MTHFD1L: variants seen among roughly 807,000 people sequenced by gnomAD.
The protein encoded by MTHFD1L is monofunctional C1-tetrahydrofolate synthase, mitochondrial.
Under a neutral mutation model 119.5 loss-of-function variants are expected in MTHFD1L, and 81 were observed. That is an observed-to-expected ratio of 0.68 (90% CI 0.57 to 0.82). MTHFD1L has a LOEUF of 0.82. Among genes scored for constraint, MTHFD1L ranks in the 40% least tolerant of loss-of-function variants. The pLI is 0.00. For missense variants in MTHFD1L, 1,125 were observed against 1,253.4 expected (o/e 0.90, Z 1.55); for synonymous variants, 430 against 475.2 (o/e 0.90, Z 1.24).
At chr6:150,873,568 GGGCC>G (rs1234759112) in intron 1 of MTHFD1L, among the ~76,000 whole-genome samples, 3 of 152,080 alleles carry the variant, frequency 2.0e-5, no homozygotes, top group Non-Finnish European at 4.4e-5. Context: ...TACCAATCCT[GGGCC>G]GTATTTCCAC....
chr6:151,008,390 G>A (rs1249028740), intron 20 of MTHFD1L, among the ~76,000 whole-genome samples: 1 of 152,202 alleles, frequency 6.6e-6, no homozygotes, highest in East Asian at 1.9e-4. Flanking sequence ...TAACTCAGTA[G>A]TATTCCCTTC....
At position 150,903,647 on chromosome 6, in the gene MTHFD1L, C is replaced by T. The variant is rs561256693; in HGVS notation, c.781-2003C>T. 7.2e-5 allele frequency among the ~76,000 whole-genome samples: 11 copies of T among 152,268 alleles called. No individual in the cohort carries two copies. In the South Asian group the frequency reaches 1.9e-3, roughly 26 times the overall value. On this transcript the variant is annotated intron_variant, in intron 7 of 27. Coordinates refer to ENST00000367321, the MANE Select transcript of MTHFD1L (RefSeq NM_015440.5). Reference sequence around the variant, plus strand: ...CTATGTTGCCCAAGCTGTTCTCAAACTTTTGGGCTCAAGCAGTCTTCCCAC... The same window carrying T: ...CTATGTTGCCCAAGCTGTTCTCAAATTTTTGGGCTCAAGCAGTCTTCCCAC...
chr6:150,962,617 A>G, intron 18 of MTHFD1L, among the ~76,000 whole-genome samples: 1 of 152,044 alleles, frequency 6.6e-6, no homozygotes, highest in East Asian at 1.9e-4. Flanking sequence ...GTGGAATGCT[A>G]GCAGCACACA....
chr6:151,055,484 A>G (rs1240448534), intron 26 of MTHFD1L, among the ~76,000 whole-genome samples: 3 of 152,054 alleles, frequency 2.0e-5, no homozygotes, highest in African/African-American at 7.2e-5. Context: ...CCCAGGATTC[A>G]ACCCCAGAAA....
chr6:150,935,374 A>G (rs1791881702), intron 11 of MTHFD1L: 4 of 1,613,954 alleles, frequency 2.5e-6, no homozygotes, highest in Admixed American at 1.7e-5. Context: ...CTAACAAACA[A>G]GACTTGAGGA....
At chr6:150,996,038 T>A (rs868529667) in intron 20 of MTHFD1L, among the ~76,000 whole-genome samples, 1 of 152,198 alleles carries the variant, frequency 6.6e-6, no homozygotes, top group Non-Finnish European at 1.5e-5. Context: ...AAAATGCTCA[T>A]CCCTGCTTTT....
At chr6:151,048,205 C>T (rs991154461) in intron 26 of MTHFD1L, among the ~76,000 whole-genome samples, 9 of 152,266 alleles carry the variant, frequency 5.9e-5, no homozygotes, top group South Asian at 2.1e-4. Context: ...GATGGAGGAA[C>T]GGTGCCCTTG....
intron 26 of MTHFD1L, among the ~76,000 whole-genome samples, chr6:151,079,504 C>A (rs893884965): frequency 6.6e-6 from 1 of 151,908 alleles, no homozygotes; most frequent in African/African-American, 2.4e-5. Context: ...GTTGCCCAGG[C>A]TGGAGTGCGA....
rs989210568 is a variant in MTHFD1L, at chr6:151,077,911, C to A, written c.2848-14556C>A. On this transcript the variant is annotated intron_variant, in intron 26 of 27. Coordinates refer to ENST00000367321, the MANE Select transcript of MTHFD1L (RefSeq NM_015440.5). ...CTAAAAATACAAAAAATTAGCCGGG[C>A]GTGGTGGCAGGCGCCTGTAGCCCCA... Among the ~76,000 whole-genome samples, 14 of 150,518 alleles carry A rather than the reference C, an allele frequency of 9.3e-5. No individual in the cohort carries two copies. In the East Asian group the frequency reaches 2.8e-3, roughly 30 times the overall value.
Position 150,945,468 on chromosome 6 carries a change from C to A in MTHFD1L, c.1550C>A (p.Ala517Asp), listed in dbSNP as rs751045689. Residue 517 changes from alanine (A) to aspartate (D), a missense_variant and splice_region_variant, in exon 15 of 28, where the codon GCT (alanine) becomes GAT (aspartate). By Grantham distance (126) the Ala-to-Asp change is moderately radical (BLOSUM62 -2). Coordinates refer to ENST00000367321, the MANE Select transcript of MTHFD1L (RefSeq NM_015440.5). Reference sequence around the variant, plus strand: ...CTCATTTTTGTTTTGTGTTTTTAGGCTCTGTATAATCGGCTGGTTCCTTTA... The same window carrying A: ...CTCATTTTTGTTTTGTGTTTTTAGGATCTGTATAATCGGCTGGTTCCTTTA... The part of the protein sequence containing the change: ...ILHENTQTDK[A>D]LYNRLVPLVN... The A allele has an allele frequency of 6.2e-7, 1 of 1,612,426 alleles. No homozygotes were observed. The highest frequency in any genetic ancestry group is 1.3e-5 in the African/African-American group (1 of 74,960).
intron 26 of MTHFD1L, among the ~76,000 whole-genome samples, chr6:151,067,323 A>T (rs966696640): frequency 1.8e-4 from 27 of 151,238 alleles, no homozygotes; most frequent in East Asian, 9.8e-4. Context: ...TAATCTTTTT[A>T]TTTATTTATT....
intron 25 of MTHFD1L, among the ~76,000 whole-genome samples, chr6:151,034,827 A>C (rs1296418524): frequency 6.6e-6 from 1 of 152,214 alleles, no homozygotes; most frequent in Non-Finnish European, 1.5e-5. Context: ...CTGTGACTAT[A>C]AATGTGTCTG....
intron 20 of MTHFD1L, among the ~76,000 whole-genome samples, chr6:150,980,539 T>C (rs1777303920): frequency 1.3e-5 from 2 of 152,128 alleles, no homozygotes; most frequent in South Asian, 4.1e-4. Flanking sequence ...TTCATCAAAA[T>C]CTTAACATGT....
chr6:151,065,754 A>T (rs1188715601), intron 26 of MTHFD1L, among the ~76,000 whole-genome samples: 2 of 152,244 alleles, frequency 1.3e-5, no homozygotes, highest in African/African-American at 2.4e-5. Flanking sequence ...GTGGCCATAC[A>T]TGCCCATCCT....
At chr6:151,009,610 G>A (rs1466039059) in intron 20 of MTHFD1L, among the ~76,000 whole-genome samples, 2 of 152,156 alleles carry the variant, frequency 1.3e-5, no homozygotes, top group Non-Finnish European at 2.9e-5. Flanking sequence ...AATCCCTCAG[G>A]CCTGGCGGTG....
chr6:151,066,344 G>C (rs1436764835), intron 26 of MTHFD1L, among the ~76,000 whole-genome samples: 3 of 149,942 alleles, frequency 2.0e-5, no homozygotes, highest in Non-Finnish European at 4.4e-5. Flanking sequence ...GGCTGAGGCA[G>C]GGGAATGGTG....
intron 24 of MTHFD1L, among the ~76,000 whole-genome samples, chr6:151,027,078 C>G (rs1784702788): frequency 6.6e-6 from 1 of 152,024 alleles, no homozygotes. Flanking sequence ...ATCCGCCCAC[C>G]TTGGCCTCCC....
intron 27 of MTHFD1L, 84 bp downstream of exon 27, chr6:151,092,671 A>G: frequency 2.7e-6 from 2 of 746,802 alleles, no homozygotes; most frequent in Non-Finnish European, 2.2e-6. Flanking sequence ...TTCTGATACC[A>G]CAGAAGTGAT....
chr6:150,974,955 C>T (rs1238525266), intron 20 of MTHFD1L, among the ~76,000 whole-genome samples: 2 of 152,074 alleles, frequency 1.3e-5, no homozygotes, highest in African/African-American at 4.8e-5. Flanking sequence ...TCAGTCTGGT[C>T]TCAAACTCCT....
Sources: allele counts gnomAD v4.1 joint callset (sites outside exome capture counted in the v4.1 genomes callset), GRCh38; gene constraint gnomAD v4.1.1; transcripts MANE v1.5; gene names NCBI Gene and HGNC (gene_info 2026-07-23, HGNC 2026-07-21).